Variants in KIF6 observed in about 807,000 individuals in gnomAD.
KIF6 encodes kinesin-like protein KIF6.
In KIF6, 106 loss-of-function variants were observed where a neutral mutation model predicts 112.7. The observed-to-expected ratio is 0.94, with a 90% CI of 0.80 to 1.11. KIF6 has a LOEUF of 1.11. Among genes scored for constraint, KIF6 ranks in the 50% least tolerant of loss-of-function variants. The pLI, the probability that KIF6 is intolerant of heterozygous loss-of-function variation, is 0.00. For synonymous variants in KIF6, 339 were observed against 339.9 expected (o/e 1.00, Z 0.03); for missense variants, 929 against 964.0 (o/e 0.96, Z 0.48).
intron 15 of KIF6, among the ~76,000 whole-genome samples, chr6:39,390,071 G>A (rs1172989547): frequency 6.8e-6 from 1 of 146,102 alleles, no homozygotes; most frequent in African/African-American, 2.6e-5. Context: ...TTACAAATCT[G>A]GAGGTAGACG....
At chr6:39,504,641 T>C (rs1018843294) in intron 13 of KIF6, among the ~76,000 whole-genome samples, 1 of 152,204 alleles carries the variant, frequency 6.6e-6, no homozygotes, top group Non-Finnish European at 1.5e-5. Context: ...GGTAAGCAAC[T>C]TCAGCAAAGT....
intron 9 of KIF6, among the ~76,000 whole-genome samples, chr6:39,579,506 T>C (rs148025947): frequency 7.0e-4 from 106 of 152,222 alleles, no homozygotes; most frequent in African/African-American, 2.5e-3. Context: ...ATGCACCTGT[T>C]TTCTCTCAAT....
intron 13 of KIF6, among the ~76,000 whole-genome samples, chr6:39,455,482 T>C (rs943811783): frequency 6.6e-6 from 1 of 152,102 alleles, no homozygotes. Flanking sequence ...TCCAAAGGAA[T>C]GCAGTTCCTC....
At chr6:39,515,036 T>A (rs957153262) in intron 13 of KIF6, among the ~76,000 whole-genome samples, 1 of 152,210 alleles carries the variant, frequency 6.6e-6, no homozygotes, top group Non-Finnish European at 1.5e-5. Flanking sequence ...AAGAAAATTA[T>A]GAAACCTACT....
intron 13 of KIF6, among the ~76,000 whole-genome samples, chr6:39,456,910 A>C (rs2150416157): frequency 6.6e-6 from 1 of 151,856 alleles, no homozygotes; most frequent in African/African-American, 2.4e-5. Flanking sequence ...AGAGTCCCAC[A>C]CATTAATAAT....
At chr6:39,555,889 G>A (rs1273880381) in intron 10 of KIF6, among the ~76,000 whole-genome samples, 4 of 141,504 alleles carry the variant, frequency 2.8e-5, no homozygotes, top group African/African-American at 1.1e-4. Context: ...GGGAGGCAGA[G>A]ATTGCGGTCA....
chr6:39,590,397 T>C (rs971346615), intron 7 of KIF6, among the ~76,000 whole-genome samples: 1 of 148,504 alleles, frequency 6.7e-6, no homozygotes, highest in African/African-American at 2.5e-5. Context: ...AACTTCTTGA[T>C]GATATATATA....
intron 3 of KIF6, among the ~76,000 whole-genome samples, chr6:39,698,585 C>A (rs1243630391): frequency 6.6e-6 from 1 of 152,086 alleles, no homozygotes; most frequent in Non-Finnish European, 1.5e-5. Context: ...TGGCTAGGCA[C>A]CGAAACTCAG....
intron 22 of KIF6, among the ~76,000 whole-genome samples, chr6:39,337,125 T>C (rs1358826431): frequency 1.5e-4 from 19 of 123,584 alleles, no homozygotes; most frequent in East Asian, 1.1e-3. Flanking sequence ...TCTTTCTTTC[T>C]TTCCTCCTTC....
rs182514325 is a variant in KIF6, at chr6:39,698,350, C to T, written c.251+16342G>A. Among the ~76,000 whole-genome samples, 8 of 152,256 alleles carry T rather than the reference C, an allele frequency of 5.3e-5. No individual in the cohort carries two copies. In the East Asian group the frequency reaches 1.5e-3, roughly 29 times the overall value. The stretch of plus-strand genomic sequence containing the variant: ...TTTGTTATTTTATTTAAAAAGGATA[C>T]TGCCTAGTTGTAACATTAAACCTGA... On this transcript the variant is annotated intron_variant, in intron 3 of 22. Transcript: ENST00000287152.
At chr6:39,646,043 A>C (rs1785152890) in intron 3 of KIF6, among the ~76,000 whole-genome samples, 1 of 151,978 alleles carries the variant, frequency 6.6e-6, no homozygotes, top group African/African-American at 2.4e-5. Context: ...TGGGTGCAGC[A>C]CACCAACATG....
intron 13 of KIF6, among the ~76,000 whole-genome samples, chr6:39,527,256 G>A (rs1777788927): frequency 6.6e-6 from 1 of 152,194 alleles, no homozygotes; most frequent in Non-Finnish European, 1.5e-5. Context: ...CACTGAGAAA[G>A]CTGGGAAGAG....
At position 39,395,341 on chromosome 6, in the gene KIF6, A is replaced by C. The variant is rs544211529; in HGVS notation, c.1811-9669T>G. Among the ~76,000 whole-genome samples the C allele has an allele frequency of 5.9e-5, 9 of 152,356 alleles. No homozygotes were observed. The South Asian group carries it at 1.9e-3, about 32-fold the overall frequency. On this transcript the variant is annotated intron_variant, in intron 15 of 22. Coordinates refer to ENST00000287152, the MANE Select transcript of KIF6 (RefSeq NM_145027.6). ...AGTAAGCACATTTGTTAAAAGCTCA[A>C]ACAAACGTGGAGATGCAAGTAGGTG...
At chr6:39,396,771 T>G (rs1467995691) in intron 15 of KIF6, among the ~76,000 whole-genome samples, 1 of 152,168 alleles carries the variant, frequency 6.6e-6, no homozygotes, top group African/African-American at 2.4e-5. Flanking sequence ...AGGTGCACAA[T>G]GAGTGGTGGT....
chr6:39,591,332 A>G (rs2150674492), intron 7 of KIF6, among the ~76,000 whole-genome samples: 1 of 152,366 alleles, frequency 6.6e-6, no homozygotes, highest in East Asian at 1.9e-4. Context: ...AGTCTCAAAA[A>G]TGGAGAAAAT....
chr6:39,698,771 C>T (rs916982577), intron 3 of KIF6, among the ~76,000 whole-genome samples: 8 of 152,168 alleles, frequency 5.3e-5, no homozygotes, highest in East Asian at 3.8e-4. Context: ...GTTTTTAGCA[C>T]TCTGAAAGCT....
At chr6:39,516,618 A>C (rs1777100390) in intron 13 of KIF6, among the ~76,000 whole-genome samples, 1 of 151,940 alleles carries the variant, frequency 6.6e-6, no homozygotes, top group African/African-American at 2.4e-5. Context: ...TGTCAAAGAA[A>C]ATTTAGTGTT....
intron 5 of KIF6, among the ~76,000 whole-genome samples, chr6:39,621,472 A>T (rs890489196): frequency 6.6e-6 from 1 of 152,090 alleles, no homozygotes. Context: ...CATCTTAGGA[A>T]CTCTCGTTGC....
At chr6:39,704,726 A>T (rs948554365) in intron 3 of KIF6, among the ~76,000 whole-genome samples, 1 of 152,232 alleles carries the variant, frequency 6.6e-6, no homozygotes, top group Non-Finnish European at 1.5e-5. Context: ...ATATGGCTCC[A>T]AAGTCCCTGC....
Sources: allele counts gnomAD v4.1 joint callset (sites outside exome capture counted in the v4.1 genomes callset), GRCh38; gene constraint gnomAD v4.1.1; transcripts MANE v1.5; gene names NCBI Gene and HGNC (gene_info 2026-07-23, HGNC 2026-07-21).